The following AHI1 variants were observed in gnomAD, a reference collection of about 807,000 sequenced individuals.
The protein encoded by AHI1 is jouberin.
Under a neutral mutation model 149.3 loss-of-function variants are expected in AHI1, and 123 were observed. The observed-to-expected ratio is 0.82, with a 90% confidence interval of 0.71 to 0.96. AHI1 has a LOEUF of 0.96. Ranked by LOEUF, AHI1 falls within the 40% of genes least tolerant of loss-of-function variation. The pLI is 0.00. For synonymous variants in AHI1, 475 were observed against 459.8 expected (o/e 1.03, Z -0.42); for missense variants, 1,439 against 1,422.7 (o/e 1.01, Z -0.18).
intron 21 of AHI1, among the ~76,000 whole-genome samples, chr6:135,408,313 T>C (rs1357057950): frequency 6.6e-6 from 1 of 152,132 alleles, no homozygotes; most frequent in Admixed American, 6.5e-5. Context: ...TTCTTTTTTT[T>C]CCTAGTGAAG....
At position 135,428,685 on chromosome 6, in the gene AHI1, G is replaced by T; in HGVS notation, c.2567C>A (p.Thr856Asn). 6.2e-7 allele frequency: 1 copy of T among 1,608,930 alleles called. No individual in the cohort carries two copies. The highest frequency in any genetic ancestry group is 1.7e-4 in the Middle Eastern group (1 of 6,052). The stretch of plus-strand genomic sequence containing the variant: ...ATCCTCACTTCCAGCAAACAGAAAA[G>T]TCCCACATGGAGTCAAAGTACTATG... ...KIHSTLTPCG[T>N]FLFAGSEDGI... The change falls in exon 19 of 29, where the codon ACT becomes AAT. Residue 856 changes from threonine to asparagine, a missense_variant. Thr to Asn is a moderately conservative substitution (Grantham distance 65). Coordinates refer to ENST00000265602, the MANE Select transcript of AHI1 (RefSeq NM_001134831.2).
intron 6 of AHI1, among the ~76,000 whole-genome samples, chr6:135,466,788 T>G (rs1018966606): frequency 1.3e-5 from 2 of 152,180 alleles, no homozygotes; most frequent in African/African-American, 2.4e-5. Context: ...GTCATTTATT[T>G]TGCTTCATAA....
At chr6:135,308,828 A>G (rs1006678362) in intron 26 of AHI1, among the ~76,000 whole-genome samples, 3 of 152,240 alleles carry the variant, frequency 2.0e-5, no homozygotes, top group African/African-American at 7.2e-5. Flanking sequence ...AAGTTAAACT[A>G]CAGGGGGATT....
intron 24 of AHI1, among the ~76,000 whole-genome samples, chr6:135,342,596 A>T (rs1790544324): frequency 6.6e-6 from 1 of 151,876 alleles, no homozygotes; most frequent in African/African-American, 2.4e-5. Flanking sequence ...AACATATGAA[A>T]ATCTACCAAT....
chr6:135,439,682 G>A (rs978400389), intron 14 of AHI1, among the ~76,000 whole-genome samples: 1 of 152,186 alleles, frequency 6.6e-6, no homozygotes, highest in Non-Finnish European at 1.5e-5. Context: ...CACCTCAAAC[G>A]ACAAAAGTAA....
At chr6:135,491,346 T>C (rs1433796138) in intron 4 of AHI1, among the ~76,000 whole-genome samples, 1 of 152,186 alleles carries the variant, frequency 6.6e-6, no homozygotes, top group Non-Finnish European at 1.5e-5. Context: ...TAGATGCCTA[T>C]GTTCTAGCTA....
chr6:135,351,567 T>C (rs779720778), intron 24 of AHI1, among the ~76,000 whole-genome samples: 9 of 152,190 alleles, frequency 5.9e-5, no homozygotes, highest in Non-Finnish European at 8.8e-5. Flanking sequence ...ACTTCTAACA[T>C]TGCTTCTCAA....
At chr6:135,401,454 A>G (rs1313113730) in intron 22 of AHI1, among the ~76,000 whole-genome samples, 1 of 152,242 alleles carries the variant, frequency 6.6e-6, no homozygotes, top group Non-Finnish European at 1.5e-5. Flanking sequence ...AAAATACTGT[A>G]GAAGGGCAAA....
At chr6:135,495,068 C>T (rs1293035323) in intron 3 of AHI1, among the ~76,000 whole-genome samples, 1 of 151,964 alleles carries the variant, frequency 6.6e-6, no homozygotes, top group Non-Finnish European at 1.5e-5. Flanking sequence ...CAACTGTCTT[C>T]CCATCACCCC....
At chr6:135,393,477 T>C (rs1778805458) in intron 23 of AHI1, among the ~76,000 whole-genome samples, 1 of 152,058 alleles carries the variant, frequency 6.6e-6, no homozygotes. Context: ...CTCCTAGTTA[T>C]AAGAATGACA....
At chr6:135,386,551 C>A (rs1473224419) in intron 23 of AHI1, among the ~76,000 whole-genome samples, 2 of 152,114 alleles carry the variant, frequency 1.3e-5, no homozygotes, top group Non-Finnish European at 2.9e-5. Context: ...ACCTTGTGAT[C>A]CGCCTGCCTC....
intron 20 of AHI1, among the ~76,000 whole-genome samples, chr6:135,413,535 AAGGCAAGTG>A (rs1483658347): frequency 6.6e-6 from 1 of 152,052 alleles, no homozygotes; most frequent in Non-Finnish European, 1.5e-5. Flanking sequence ...AAAGTGGAGT[AAGGCAAGTG>A]AGGCACACAG....
At chr6:135,496,347 A>C (rs1795960771) in intron 2 of AHI1, among the ~76,000 whole-genome samples, 2 of 152,098 alleles carry the variant, frequency 1.3e-5, no homozygotes, top group Non-Finnish European at 2.9e-5. Flanking sequence ...TGAACTCCTG[A>C]CCTCAAGTGA....
At chr6:135,377,719 A>G (rs1033010376) in intron 23 of AHI1, among the ~76,000 whole-genome samples, 3 of 152,000 alleles carry the variant, frequency 2.0e-5, no homozygotes, top group African/African-American at 7.2e-5. Flanking sequence ...GGCCTCAAGC[A>G]ATCTTCCTGC....
Position 135,284,234 on chromosome 6 carries a change from C to G in AHI1, c.*1411G>C, listed in dbSNP as rs139644265. 1 of 152,124 alleles carries G rather than the reference C, an allele frequency of 6.6e-6. No individual in the cohort carries two copies. Among genetic ancestry groups the G allele is most frequent in the East Asian group, 1.9e-4 (1 of 5,204 alleles). The allele number at this position is 152,124 out of a possible 1,614,324, so 9.4% of individuals were successfully genotyped here. ...GCCTTTTTTTTAAAGTTCTACACAG[C>G]GGGACATGTTTACCAATTTTTATGC... On this transcript the variant is annotated 3_prime_UTR_variant, in exon 29 of 29. Transcript: ENST00000265602.
rs371523700 is a variant in AHI1 at position 135,285,604 on chromosome 6, C to A, written c.*41G>T. 1.0e-5 allele frequency: 16 copies of A among 1,603,290 alleles called. No homozygotes were observed. Among genetic ancestry groups the A allele is most frequent in the Admixed American group, 5.0e-5 (3 of 59,442 alleles). ...AATTCCATTTGGTTTGTCATTTTCA[C>A]CTCTGTGCATTTCGGCAGCTCTTAA... On this transcript the variant is annotated 3_prime_UTR_variant, in exon 29 of 29. Transcript: ENST00000265602.
At chr6:135,394,938 T>G (rs1779017309) in intron 22 of AHI1, 42 bp from the exon 23 acceptor site, 1 of 1,560,334 alleles carries the variant, frequency 6.4e-7, no homozygotes, top group Non-Finnish European at 8.7e-7. Context: ...TGTAATTTCC[T>G]GGATTACTAA....
intron 5 of AHI1, among the ~76,000 whole-genome samples, chr6:135,485,748 G>A (rs1794381778): frequency 1.3e-5 from 2 of 152,058 alleles, no homozygotes; most frequent in African/African-American, 4.8e-5. Context: ...GATTCACATA[G>A]GTTTTCTAAT....
rs57786531 is a variant in AHI1, at chr6:135,361,645, TCACACACACACACACACACACACA to T, written c.3110-3482_3110-3459del. On this transcript the variant is annotated intron_variant, in intron 23 of 28. Transcript: ENST00000265602. Reference sequence around the variant, plus strand: ...AATCAGGAGGTACCTAGGTATGGTTTCACACACACACACACACACACACACACACACACACACACACACACACAC... The same window carrying T: ...AATCAGGAGGTACCTAGGTATGGTTTCACACACACACACACACACACACAC... 5.2e-4 allele frequency among the ~76,000 whole-genome samples: 70 copies of T among 133,902 alleles called. No homozygotes were observed. In the East Asian group the frequency reaches 0.013, roughly 25 times the overall value. The allele number at this position is 133,902 out of a possible 152,430, so 87.8% of individuals were successfully genotyped here. A position where few individuals can be genotyped will look rare whatever the true frequency, so the allele number is the denominator to read the frequency against.
Sources: allele counts gnomAD v4.1 joint callset (sites outside exome capture counted in the v4.1 genomes callset), GRCh38; gene constraint gnomAD v4.1.1; transcripts MANE v1.5; gene names NCBI Gene and HGNC (gene_info 2026-07-23, HGNC 2026-07-21).